LRRC8C: variants seen among roughly 807,000 people sequenced by gnomAD.
LRRC8C encodes leucine rich repeat containing 8 VRAC subunit C.
Under a neutral mutation model 55.3 loss-of-function variants are expected in LRRC8C, and 20 were observed. That is an observed-to-expected ratio of 0.36 (90% CI 0.25 to 0.53). The LOEUF (loss-of-function observed/expected upper bound fraction) is 0.53. Ranked by LOEUF, LRRC8C falls within the 20% of genes least tolerant of loss-of-function variation. The pLI is 0.92. For missense variants in LRRC8C, 659 were observed against 951.4 expected, an observed-to-expected ratio of 0.69 and a Z score of 4.04; for synonymous variants, 376 against 360.7, an observed-to-expected ratio of 1.04 and a Z score of -0.48.
At chr1:89,625,855 T>G in the LRRC8C span, among the ~76,000 whole-genome samples, 1 of 152,204 alleles carries the variant, frequency 6.6e-6, no homozygotes, top group Non-Finnish European at 1.5e-5. Context: ...GGCAATTCAA[T>G]GTTAAGTTGT....
chr1:89,703,587 ACT>A (rs1658391622), intron 2 of LRRC8C, among the ~76,000 whole-genome samples: 1 of 151,986 alleles, frequency 6.6e-6, no homozygotes, highest in South Asian at 2.1e-4. Context: ...GCAAAAACAA[ACT>A]CTGGGAACAA....
chr1:89,667,529 AAAAG>A (rs2101229022), intron 1 of LRRC8C, among the ~76,000 whole-genome samples: 1 of 152,320 alleles, frequency 6.6e-6, no homozygotes, highest in East Asian at 1.9e-4. Flanking sequence ...GAAAAACTAA[AAAAG>A]GAGTAAACCT....
intron 2 of LRRC8C, among the ~76,000 whole-genome samples, chr1:89,694,477 TCTCA>T (rs1658109872): frequency 6.6e-6 from 1 of 152,096 alleles, no homozygotes; most frequent in Non-Finnish European, 1.5e-5. Context: ...GGAGACGAGT[TCTCA>T]CTCTGTTGCG....
chr1:89,662,663 A>G (rs1001037232), intron 1 of LRRC8C, among the ~76,000 whole-genome samples: 2 of 152,118 alleles, frequency 1.3e-5, no homozygotes, highest in African/African-American at 4.8e-5. Context: ...TCTATGTAAT[A>G]TTTTTTGATA....
rs149524694 is a variant in LRRC8C, at chr1:89,699,407, C to T, written c.138+12796C>T. Among the ~76,000 whole-genome samples the T allele has an allele frequency of 3.1e-3, 471 of 152,130 alleles. 2 individuals carry two copies. The highest frequency in any genetic ancestry group is 0.011 in the African/African-American group (453 of 41,518). On this transcript the variant is annotated intron_variant, in intron 2 of 2. Coordinates refer to ENST00000370454, the MANE Select transcript of LRRC8C (RefSeq NM_032270.5). ...CAGTGATGTGTCAATGTAGGTTCAT[C>T]GATTGTAACAAATGTACCACTGTGG...
At chr1:89,646,237 C>T (rs1323172263) in intron 1 of LRRC8C, among the ~76,000 whole-genome samples, 2 of 151,946 alleles carry the variant, frequency 1.3e-5, no homozygotes, top group African/African-American at 4.8e-5. Context: ...GGATGGAGAA[C>T]CCAAATTACC....
In LRRC8C at chr1:89,645,619, C is replaced by T. The variant is rs1656588364; in HGVS notation, c.-5+12297C>T. 1.3e-5 allele frequency among the ~76,000 whole-genome samples: 2 copies of T among 151,992 alleles called. 1 individual carries two copies. Among genetic ancestry groups the T allele is most frequent in the South Asian group, 4.1e-4 (2 of 4,822 alleles). ...AAAGATAAGGAGAAAACTATAGAAA[C>T]AGCTAGAGAAAATTAAAATACATGT... On this transcript the variant is annotated intron_variant, in intron 1 of 2. Coordinates refer to ENST00000370454, the MANE Select transcript of LRRC8C (RefSeq NM_032270.5).
intron 1 of LRRC8C, among the ~76,000 whole-genome samples, chr1:89,678,452 G>A (rs894464687): frequency 1.3e-5 from 2 of 152,322 alleles, no homozygotes; most frequent in East Asian, 3.9e-4. Flanking sequence ...TCTAATCCCA[G>A]TACTTTGGGA....
At chr1:89,696,115 G>T (rs1002231510) in intron 2 of LRRC8C, among the ~76,000 whole-genome samples, 1 of 152,140 alleles carries the variant, frequency 6.6e-6, no homozygotes, top group South Asian at 2.1e-4. Flanking sequence ...ATTGAGAGAG[G>T]TCTTGAATCC....
In LRRC8C at chr1:89,686,554, T is replaced by C. The variant is rs1657888232; in HGVS notation, c.81T>C (p.Phe27=). 6.2e-7 allele frequency: 1 copy of C among 1,614,216 alleles called. No individual in the cohort carries two copies. The highest frequency in any genetic ancestry group is 1.3e-5 in the African/African-American group (1 of 75,060). ...FRVLKPWWDV[F]TDYLSVAMLM... is the part of the protein sequence containing the mutation. The stretch of plus-strand genomic sequence containing the variant: ...TGCTGAAGCCATGGTGGGATGTGTT[T>C]ACCGATTACCTCTCAGTAGCCATGC... Residue 27 remains phenylalanine, a synonymous_variant, in exon 2 of 3, where the codon TTT becomes TTC. Transcript: ENST00000370454.
chr1:89,663,462 C>A (rs1366980786), intron 1 of LRRC8C, among the ~76,000 whole-genome samples: 1 of 151,146 alleles, frequency 6.6e-6, no homozygotes, highest in African/African-American at 2.4e-5. Flanking sequence ...CCTAGCTACT[C>A]GGGAGGCTGA....
chr1:89,680,312 T>C (rs552434918), intron 1 of LRRC8C, among the ~76,000 whole-genome samples: 21 of 151,994 alleles, frequency 1.4e-4, no homozygotes, highest in Admixed American at 2.6e-4. Context: ...CTCCTGACCT[T>C]GTGATCCGCC....
chr1:89,628,157 G>A (rs1283894070), upstream of LRRC8C, among the ~76,000 whole-genome samples: 1 of 152,144 alleles, frequency 6.6e-6, no homozygotes, highest in African/African-American at 2.4e-5. Flanking sequence ...AATAAATAAG[G>A]TTTGTTTTAG....
At position 89,633,223 on chromosome 1, in the gene LRRC8C, C is replaced by G. The variant is rs372896125; in HGVS notation, c.-104C>G. 186 of 152,528 alleles carry G rather than the reference C, an allele frequency of 1.2e-3. 1 individual carries two copies. In the East Asian group the frequency reaches 0.025, roughly 20 times the overall value. The allele number at this position is 152,528 out of a possible 1,614,324, so 9.4% of individuals were successfully genotyped here. On this transcript the variant is annotated 5_prime_UTR_variant, in exon 1 of 3. Coordinates refer to ENST00000370454, the MANE Select transcript of LRRC8C (RefSeq NM_032270.5). The stretch of plus-strand genomic sequence containing the variant: ...GCGCGACAAGCCATGAGCAGCGACC[C>G]CGCGGGCGACGCCGCCGTCCCTGGC...
intron 1 of LRRC8C, among the ~76,000 whole-genome samples, chr1:89,658,041 G>T (rs754023453): frequency 1.3e-5 from 2 of 152,004 alleles, no homozygotes; most frequent in African/African-American, 4.8e-5. Context: ...CTTTCAAAAA[G>T]CCCCCTTGTG....
At chr1:89,659,396 C>A (rs1230860040) in intron 1 of LRRC8C, among the ~76,000 whole-genome samples, 5 of 152,000 alleles carry the variant, frequency 3.3e-5, no homozygotes, top group Non-Finnish European at 7.4e-5. Flanking sequence ...TATGCAGGCC[C>A]CTCTGCTTAC....
intron 1 of LRRC8C, among the ~76,000 whole-genome samples, chr1:89,681,503 A>G (rs1218264846): frequency 2.0e-5 from 3 of 152,270 alleles, no homozygotes; most frequent in Non-Finnish European, 4.4e-5. Flanking sequence ...GACATGCCTG[A>G]GACTGGGTCA....
the LRRC8C span, among the ~76,000 whole-genome samples, chr1:89,622,001 G>T: frequency 6.6e-6 from 1 of 152,102 alleles, no homozygotes; most frequent in East Asian, 1.9e-4. Flanking sequence ...GAGAAATGAA[G>T]ATCAAAAACA....
chr1:89,697,735 A>G (rs1320136571), intron 2 of LRRC8C, among the ~76,000 whole-genome samples: 1 of 152,204 alleles, frequency 6.6e-6, no homozygotes, highest in African/African-American at 2.4e-5. Flanking sequence ...GCCATGAAGC[A>G]GAATGAGAAG....
Sources: gnomAD v4.1 joint callset for allele counts (sites outside exome capture counted in the v4.1 genomes callset) on GRCh38, gnomAD v4.1.1 for gene constraint, MANE v1.5 for transcripts, NCBI Gene and HGNC (gene_info 2026-07-23, HGNC 2026-07-21) for gene names.